The following LDB3 variants were observed in gnomAD, a reference collection of about 807,000 sequenced individuals.
LDB3 encodes the protein LIM domain binding 3, also known as LIM domain-binding protein 3.
LDB3 carries 49 observed loss-of-function variants against 69.0 expected under a neutral mutation model. The observed-to-expected ratio is 0.71, with a 90% CI of 0.56 to 0.90. The LOEUF (loss-of-function observed/expected upper bound fraction) is 0.90. Among genes scored for constraint, LDB3 ranks in the 40% least tolerant of loss-of-function variants. The probability of loss-of-function intolerance (pLI) is 0.00; values close to 1 mark genes in which losing one functional copy is unlikely to be tolerated. For synonymous variants in LDB3, 387 were observed against 396.2 expected (o/e 0.98, Z 0.28); for missense variants, 928 against 974.1 (o/e 0.95, Z 0.63).
rs746011639 is a variant in LDB3, at chr10:86,706,693, T to G, written c.1059T>G (p.Pro353=). ...TCGCCTCCGCCTCCACCACAGCCCC[T>G]GCTTCAAGTCCTGCCGACAGCCCAA... ...TAIASASTTA[P]ASSPADSPRP... Residue 353 remains proline (P), a synonymous_variant, in exon 8 of 14, where the codon CCT becomes CCG. Coordinates refer to ENST00000361373, the MANE Select transcript of LDB3 (RefSeq NM_007078.3). 1.9e-6 allele frequency: 3 copies of G among 1,612,728 alleles called. No individual in the cohort carries two copies. The South Asian group carries it at 3.3e-5, about 18-fold the overall frequency.
intron 5 of LDB3, 129 bp from the exon 6 acceptor site, chr10:86,691,767 A>ATATGGG: frequency 1.9e-6 from 2 of 1,057,946 alleles, no homozygotes; most frequent in South Asian, 2.5e-5. Context: ...AGGTTCTCAG[A>ATATGGG]CAGCAATGGA....
intron 5 of LDB3, among the ~76,000 whole-genome samples, chr10:86,687,758 C>A (rs1845567133): frequency 6.6e-6 from 1 of 152,218 alleles, no homozygotes; most frequent in Non-Finnish European, 1.5e-5. Flanking sequence ...GGCAATCAGT[C>A]CCACAGATGG....
intron 8 of LDB3, 139 bp downstream of exon 8, chr10:86,706,858 G>C: frequency 4.6e-6 from 4 of 873,018 alleles, no homozygotes; most frequent in Non-Finnish European, 7.0e-6. Flanking sequence ...AGCGCTGCTT[G>C]GTGCAGAGTG....
intron 13 of LDB3, among the ~76,000 whole-genome samples, chr10:86,728,586 G>GTTTTTGTTTTTGTTT (rs1554868912): frequency 7.6e-6 from 1 of 131,456 alleles, no homozygotes; most frequent in African/African-American, 2.8e-5. Context: ...TGGTTCTTTT[G>GTTTTTGTTTTTGTTT]TTTTTTTTTT....
At chr10:86,681,325 C>A in intron 4 of LDB3, 111 bp from the exon 5 acceptor site, 1 of 1,513,348 alleles carries the variant, frequency 6.6e-7, no homozygotes, top group Non-Finnish European at 9.0e-7. Flanking sequence ...GGGCTTCAGG[C>A]TGCGGGGCTC....
chr10:86,727,454 C>A (rs909330849), intron 13 of LDB3, among the ~76,000 whole-genome samples: 3 of 152,134 alleles, frequency 2.0e-5, no homozygotes, highest in Middle Eastern at 3.2e-3. Context: ...CATAGGATGA[C>A]CCTAGTCATA....
intron 5 of LDB3, among the ~76,000 whole-genome samples, chr10:86,685,370 T>C (rs1252509063): frequency 1.3e-5 from 2 of 152,176 alleles, no homozygotes; most frequent in Non-Finnish European, 2.9e-5. Context: ...TGTGGGGGAT[T>C]CATGTATGCG....
chr10:86,685,514 C>T (rs912641914), intron 5 of LDB3, among the ~76,000 whole-genome samples: 1 of 152,192 alleles, frequency 6.6e-6, no homozygotes, highest in Non-Finnish European at 1.5e-5. Flanking sequence ...CTGTGATTCC[C>T]GGCTCTGAGT....
At chr10:86,667,603 C>T (rs922658685), upstream of LDB3, among the ~76,000 whole-genome samples, 8 of 152,366 alleles carry the variant, frequency 5.3e-5, no homozygotes, top group African/African-American at 1.2e-4. Flanking sequence ...TCCCTTCTCC[C>T]TGCCCCCTGC....
At chr10:86,677,487 G>A (rs1487350660) in intron 2 of LDB3, among the ~76,000 whole-genome samples, 1 of 152,160 alleles carries the variant, frequency 6.6e-6, no homozygotes, top group East Asian at 1.9e-4. Context: ...TGGAGGCCGG[G>A]GGTGCAGAAT....
Position 86,718,082 on chromosome 10 carries a change from G to T in LDB3, c.1795G>T (p.Glu599Ter). 1 of 1,614,156 alleles carries T rather than the reference G, an allele frequency of 6.2e-7. No individual in the cohort carries two copies. The highest frequency in any genetic ancestry group is 1.1e-5 in the South Asian group (1 of 91,076). ...GGAAGAGCAGAACAACGTTTACTGT[G>T]AGCGATGTTATGAGCAATTCTTTGC... ...FVEEQNNVYC[E>*]RCYEQFFAPL... The change falls in exon 11 of 14, where the codon GAG (glutamate) becomes TAG (stop). Residue 599 changes from glutamate (E) to a stop codon, truncating the protein, a stop_gained. Transcript: ENST00000361373. LOFTEE classifies it high-confidence loss of function.
intron 9 of LDB3, among the ~76,000 whole-genome samples, chr10:86,713,716 C>G (rs1846757326): frequency 6.6e-6 from 1 of 152,210 alleles, no homozygotes; most frequent in Non-Finnish European, 1.5e-5. Flanking sequence ...CTTCCCCCAG[C>G]ATTTTGATAT....
chr10:86,725,441 A>T (rs1214949744), intron 12 of LDB3, among the ~76,000 whole-genome samples: 1 of 152,208 alleles, frequency 6.6e-6, no homozygotes, highest in Admixed American at 6.5e-5. Context: ...TTCATTCCCT[A>T]TATATGTTTT....
intron 6 of LDB3, 148 bp downstream of exon 6, chr10:86,692,213 G>T (rs1176221068): frequency 2.1e-6 from 2 of 951,482 alleles, no homozygotes; most frequent in African/African-American, 1.6e-5. Context: ...GGCTGGCAGG[G>T]CTCCTTCTGG....
chr10:86,729,119 C>T (rs896052364), intron 13 of LDB3, among the ~76,000 whole-genome samples: 7 of 152,154 alleles, frequency 4.6e-5, no homozygotes, highest in Non-Finnish European at 7.3e-5. Context: ...TTTAGACTAA[C>T]TCAGTTTACC....
At chr10:86,710,257 G>T (rs1026600519) in intron 9 of LDB3, 3 of 985,424 alleles carry the variant, frequency 3.0e-6, no homozygotes, top group Non-Finnish European at 3.6e-6. Flanking sequence ...GAGCAAGAAA[G>T]CGGTGGATGA....
intron 13 of LDB3, among the ~76,000 whole-genome samples, chr10:86,731,839 CTT>C (rs35644119): frequency 9.6e-5 from 14 of 145,964 alleles, no homozygotes; most frequent in Admixed American, 6.8e-5. Context: ...TGATTGAATA[CTT>C]TTTTTTTTTT....
At chr10:86,714,714 C>T (rs1846798488) in intron 9 of LDB3, among the ~76,000 whole-genome samples, 1 of 151,984 alleles carries the variant, frequency 6.6e-6, no homozygotes. Flanking sequence ...CGCCACCACA[C>T]CCAGCTAATT....
At chr10:86,691,191 G>A (rs1453685328) in intron 5 of LDB3, among the ~76,000 whole-genome samples, 1 of 152,182 alleles carries the variant, frequency 6.6e-6, no homozygotes, top group African/African-American at 2.4e-5. Flanking sequence ...CCTATCATGT[G>A]CCAGACCCTG....
Sources: allele counts gnomAD v4.1 joint callset (sites outside exome capture counted in the v4.1 genomes callset), GRCh38; gene constraint gnomAD v4.1.1; transcripts MANE v1.5; gene names NCBI Gene and HGNC (gene_info 2026-07-23, HGNC 2026-07-21).